Variants in WDFY4 observed in about 807,000 individuals in gnomAD.
WDFY4 encodes the protein WDFY family member 4, also known as WD repeat- and FYVE domain-containing protein 4.
Under a neutral mutation model 351.9 loss-of-function variants are expected in WDFY4, and 169 were observed. That is an observed-to-expected ratio of 0.48 (90% CI 0.42 to 0.55). WDFY4 has a LOEUF of 0.55. WDFY4 is among the 20% of genes least tolerant of loss of function. The pLI is 0.00. For missense variants in WDFY4, 3,803 were observed against 3,935.6 expected (o/e 0.97, Z 0.90); for synonymous variants, 1,622 against 1,574.6 (o/e 1.03, Z -0.71).
chr10:48,727,650 T>C lies in WDFY4; in HGVS notation c.962T>C (p.Val321Ala). The C allele has an allele frequency of 6.4e-7, 1 of 1,551,988 alleles. No homozygotes were observed. The highest frequency in any genetic ancestry group is 1.7e-4 in the Middle Eastern group (1 of 5,992). The change falls in exon 7 of 62, where the codon GTG becomes GCG. Residue 321 changes from valine to alanine, a missense_variant. Val to Ala is a moderately conservative substitution (Grantham distance 64, BLOSUM62 0). Coordinates refer to ENST00000325239, the MANE Select transcript of WDFY4 (RefSeq NM_001394531.1). ...NSEGYPLLLKVLLRYDGLTQS... is the reference protein window; with the variant it reads ...NSEGYPLLLKALLRYDGLTQS... ...GAGGGCTATCCTCTGCTGCTCAAAG[T>C]GTTACTTCGGTAAGTGGCTGTGTTT...
At chr10:48,966,484 G>A in intron 54 of WDFY4, 42 bp from the exon 55 acceptor site, 1 of 1,531,664 alleles carries the variant, frequency 6.5e-7, no homozygotes, top group South Asian at 1.2e-5. Flanking sequence ...CCCTCCTCTG[G>A]GCATCTCTCC....
intron 38 of WDFY4, 26 bp from the exon 39 acceptor site, chr10:48,832,547 G>A: frequency 6.6e-7 from 1 of 1,522,356 alleles, no homozygotes; most frequent in Non-Finnish European, 8.9e-7. Context: ...CTTCACCTCT[G>A]ACATTCTTTG....
chr10:48,725,175 C>T (rs140499309), intron 5 of WDFY4, among the ~76,000 whole-genome samples: 126 of 140,978 alleles, frequency 8.9e-4, no homozygotes, highest in African/African-American at 3.1e-3. Context: ...CCATGAAGCC[C>T]AGCTTCTCTC....
At chr10:48,919,969 A>C (rs895656018) in intron 47 of WDFY4, among the ~76,000 whole-genome samples, 2 of 152,230 alleles carry the variant, frequency 1.3e-5, no homozygotes, top group Non-Finnish European at 2.9e-5. Context: ...AGATCTTCAG[A>C]CCAATATTCT....
At chr10:48,959,658 A>G (rs908369220) in intron 52 of WDFY4, 64 bp from the exon 53 acceptor site, 56 of 1,440,658 alleles carry the variant, frequency 3.9e-5, no homozygotes, top group Non-Finnish European at 5.3e-5. Flanking sequence ...TGTGTATTTT[A>G]CATCCCCCAG....
chr10:48,889,393 G>A (rs2070595401), intron 43 of WDFY4, among the ~76,000 whole-genome samples: 1 of 152,208 alleles, frequency 6.6e-6, no homozygotes, highest in Admixed American at 6.5e-5. Context: ...CTGTGGCCTT[G>A]TCATTGCTCC....
At chr10:48,708,885 G>A (rs1457313691) in intron 1 of WDFY4, among the ~76,000 whole-genome samples, 2 of 152,068 alleles carry the variant, frequency 1.3e-5, no homozygotes, top group Non-Finnish European at 2.9e-5. Context: ...CATCATAGAA[G>A]GAAGTTCTAG....
intron 58 of WDFY4, among the ~76,000 whole-genome samples, chr10:48,975,539 T>C (rs1375363717): frequency 6.6e-6 from 1 of 152,182 alleles, no homozygotes; most frequent in East Asian, 1.9e-4. Flanking sequence ...GGTTTCTGCA[T>C]CTGCTCACAG....
chr10:48,902,079 G>A (rs1203601856), intron 47 of WDFY4, among the ~76,000 whole-genome samples: 6 of 151,836 alleles, frequency 4.0e-5, no homozygotes, highest in Admixed American at 3.9e-4. Context: ...CACATGCCCT[G>A]TGGCTTTTTC....
chr10:48,890,767 C>A (rs1176296640), intron 44 of WDFY4, 40 bp downstream of exon 44: 1 of 1,549,344 alleles, frequency 6.5e-7, no homozygotes, highest in Non-Finnish European at 8.7e-7. Flanking sequence ...TTCCCTGAGC[C>A]CCATTCATCC....
chr10:48,946,518 G>A (rs1841050839), intron 50 of WDFY4, among the ~76,000 whole-genome samples: 2 of 152,242 alleles, frequency 1.3e-5, no homozygotes, highest in South Asian at 2.1e-4. Flanking sequence ...AGGCCAGCCT[G>A]TGTTTGTATA....
chr10:48,773,418 A>G (rs1222335989), intron 13 of WDFY4, among the ~76,000 whole-genome samples: 2 of 152,222 alleles, frequency 1.3e-5, no homozygotes, highest in African/African-American at 2.4e-5. Context: ...AGTTTTTGTA[A>G]AGGAACATCC....
intron 39 of WDFY4, among the ~76,000 whole-genome samples, chr10:48,849,575 C>T (rs1337409963): frequency 6.6e-6 from 1 of 152,196 alleles, no homozygotes; most frequent in Non-Finnish European, 1.5e-5. Flanking sequence ...TCCCATTCTC[C>T]ATCCCAGGTT....
At chr10:48,903,817 T>G (rs1014368691) in intron 47 of WDFY4, among the ~76,000 whole-genome samples, 2 of 152,118 alleles carry the variant, frequency 1.3e-5, no homozygotes, top group African/African-American at 4.8e-5. Context: ...TTTAGAATAG[T>G]GTTTAAAGTG....
intron 1 of WDFY4, among the ~76,000 whole-genome samples, chr10:48,691,201 G>A (rs1197499505): frequency 6.6e-6 from 1 of 152,110 alleles, no homozygotes; most frequent in Non-Finnish European, 1.5e-5. Flanking sequence ...CTGGGGCAGA[G>A]CTAATCAAGG....
chr10:48,818,812 A>C (rs546327207), intron 32 of WDFY4, among the ~76,000 whole-genome samples: 1 of 152,262 alleles, frequency 6.6e-6, no homozygotes, highest in African/African-American at 2.4e-5. Flanking sequence ...AAGTAAGATA[A>C]AAAAGCAAAC....
intron 47 of WDFY4, among the ~76,000 whole-genome samples, chr10:48,930,790 C>CA (rs200974319): frequency 0.097 from 14,704 of 150,956 alleles, 857 homozygotes; most frequent in South Asian, 0.2. Flanking sequence ...GAAACTAAAA[C>CA]AAAAAAAAAT....
intron 51 of WDFY4, among the ~76,000 whole-genome samples, chr10:48,953,447 A>C (rs1306321907): frequency 6.6e-6 from 1 of 152,140 alleles, no homozygotes; most frequent in Non-Finnish European, 1.5e-5. Context: ...ACTTGAGTTC[A>C]TCCTGCAAGT....
chr10:48,850,693 G>A (rs115969964), intron 39 of WDFY4, among the ~76,000 whole-genome samples: 3,079 of 152,206 alleles, frequency 0.02, 116 homozygotes, highest in African/African-American at 0.07. Context: ...GTGTTGGCCC[G>A]AGACTCTCTA....
Sources: allele counts gnomAD v4.1 joint callset (sites outside exome capture counted in the v4.1 genomes callset), GRCh38; gene constraint gnomAD v4.1.1; transcripts MANE v1.5; gene names NCBI Gene and HGNC (gene_info 2026-07-23, HGNC 2026-07-21).